NEK6: variants seen among roughly 807,000 people sequenced by gnomAD.
NEK6 encodes NIMA related kinase 6.
A neutral mutation model predicts 43.5 loss-of-function variants in NEK6; 27 were observed. The observed-to-expected ratio is 0.62, with a 90% CI of 0.46 to 0.86. The LOEUF is 0.86. Among genes scored for constraint, NEK6 ranks in the 40% least tolerant of loss-of-function variants. The pLI is 0.00. For missense variants in NEK6, 318 were observed against 414.4 expected, an observed-to-expected ratio of 0.77 and a Z score of 2.02; for synonymous variants, 167 against 164.1, an observed-to-expected ratio of 1.02 and a Z score of -0.14.
upstream of NEK6, chr9:124,257,888 TG>T: frequency 1.0e-6 from 1 of 984,932 alleles, no homozygotes; most frequent in Non-Finnish European, 1.2e-6. Context: ...GCACGAGCGC[TG>T]GGGGCGGCGC....
intron 2 of NEK6, among the ~76,000 whole-genome samples, chr9:124,307,121 G>T (rs901840348): frequency 8.3e-6 from 1 of 120,130 alleles, no homozygotes; most frequent in Admixed American, 8.5e-5. Flanking sequence ...GTAATTTTAT[G>T]CTCCTGTTTA....
At chr9:124,321,108 G>T (rs1193823352) in intron 4 of NEK6, among the ~76,000 whole-genome samples, 2 of 152,206 alleles carry the variant, frequency 1.3e-5, no homozygotes, top group Admixed American at 6.5e-5. Flanking sequence ...GTGAGGAGGA[G>T]GGGGAGGGTC....
intron 2 of NEK6, among the ~76,000 whole-genome samples, chr9:124,304,566 C>T (rs1245684020): frequency 6.6e-6 from 1 of 152,180 alleles, no homozygotes; most frequent in East Asian, 1.9e-4. Context: ...CACCTCACAT[C>T]GTGGGTACTG....
rs112744733 is a variant in NEK6, at chr9:124,326,944, G to C, written c.515-394G>C. On this transcript the variant is annotated intron_variant, in intron 6 of 9. Transcript: ENST00000320246. This position sits in a 1 kb window ranked among gnomAD's most constrained non-coding sequence, Gnocchi z 4.5. ...TGGTGTCTGCTGTATTGGAGGCCCCGCCCTCACTGGGGGGTACGGCACTGG... is the reference window on the plus strand; with the variant it reads ...TGGTGTCTGCTGTATTGGAGGCCCCCCCCTCACTGGGGGGTACGGCACTGG... Among the ~76,000 whole-genome samples the C allele has an allele frequency of 6.6e-6, 1 of 152,096 alleles. No homozygotes were observed. The highest frequency in any genetic ancestry group is 1.5e-5 in the Non-Finnish European group (1 of 68,008).
chr9:124,337,568 A>G (rs1829358484), intron 7 of NEK6, among the ~76,000 whole-genome samples: 1 of 152,196 alleles, frequency 6.6e-6, no homozygotes. Context: ...CATGAGCTGC[A>G]TTCATTTTGT....
At chr9:124,323,362 C>T (rs1472766003) in intron 5 of NEK6, among the ~76,000 whole-genome samples, 2 of 152,204 alleles carry the variant, frequency 1.3e-5, no homozygotes, top group African/African-American at 4.8e-5. Context: ...GGGCCTGTTG[C>T]TCCAGGCTCG....
intron 3 of NEK6, 22 bp from the exon 4 acceptor site, chr9:124,313,901 T>C: frequency 6.2e-7 from 1 of 1,613,934 alleles, no homozygotes; most frequent in Non-Finnish European, 8.5e-7. Flanking sequence ...CCACTCTATT[T>C]CTCTTTTTCC....
rs1165927187 is a variant in NEK6, at chr9:124,350,933, A to T, written c.928A>T (p.Met310Leu). Residue 310 changes from methionine to leucine, a missense_variant, in exon 10 of 10, where the codon ATG (methionine) becomes TTG (leucine). Physicochemically the swap from Met to Leu is conservative, Grantham distance 15. This residue lies in a region of NEK6 where 79 missense variants were observed against 70.0 expected (regional missense o/e 1.13). Transcript: ENST00000320246. ...GGTGGCCAAGCAGATGCACATCTGG[A>T]TGTCCAGCACCTGAGCGTGGATGCA... is the stretch of plus-strand genomic sequence containing the variant. Reference protein sequence around the residue: ...HQVAKQMHIWMSST With the variant: ...HQVAKQMHIWLSST 1 of 1,608,886 alleles carries T rather than the reference A, an allele frequency of 6.2e-7. No homozygotes were observed. Among genetic ancestry groups the T allele is most frequent in the Non-Finnish European group, 8.5e-7 (1 of 1,179,200 alleles).
intron 7 of NEK6, among the ~76,000 whole-genome samples, chr9:124,332,621 G>A (rs1829063698): frequency 6.6e-6 from 1 of 152,250 alleles, no homozygotes; most frequent in Non-Finnish European, 1.5e-5. Context: ...ATCTGGGGAA[G>A]AGGGGCAGCT....
intron 1 of NEK6, among the ~76,000 whole-genome samples, chr9:124,281,487 CTTTTTTTTTTT>C (rs759381068): frequency 9.7e-5 from 10 of 102,968 alleles, no homozygotes; most frequent in South Asian, 7.0e-4. Context: ...GCTGTTTTTT[CTTTTTTTTTTT>C]TTTTTTTTTT....
intron 1 of NEK6, among the ~76,000 whole-genome samples, chr9:124,277,885 C>T (rs1056950314): frequency 2.6e-5 from 4 of 152,158 alleles, no homozygotes; most frequent in African/African-American, 7.2e-5. Flanking sequence ...GAGAGTGCAT[C>T]GTGTTGTCCC....
chr9:124,302,741 C>G (rs1243114118), intron 2 of NEK6, among the ~76,000 whole-genome samples: 2 of 152,254 alleles, frequency 1.3e-5, no homozygotes, highest in African/African-American at 4.8e-5. Flanking sequence ...CCACCCTGCT[C>G]TCTGCTCTGG....
intron 8 of NEK6, among the ~76,000 whole-genome samples, chr9:124,340,604 C>T (rs140422249): frequency 0.011 from 1,683 of 152,364 alleles, 21 homozygotes; most frequent in South Asian, 0.019. Flanking sequence ...ACACCAAGCC[C>T]GGCTTGGTTT....
At position 124,292,537 on chromosome 9, in the gene NEK6, A is replaced by G. The variant is rs1221857752; in HGVS notation, c.-29-9399A>G. 10 of 1,536,928 alleles carry G rather than the reference A, an allele frequency of 6.5e-6. No individual in the cohort carries two copies. The South Asian group carries it at 1.1e-4, about 16-fold the overall frequency. ...GATTCTAGATGCTCGCCTGGGACCC[A>G]GGGTGAGTTTTTTACAAACACCGAA... On this transcript the variant is annotated intron_variant, in intron 1 of 9. Transcript: ENST00000320246.
At chr9:124,308,182 G>A (rs981380922) in intron 2 of NEK6, among the ~76,000 whole-genome samples, 1 of 152,220 alleles carries the variant, frequency 6.6e-6, no homozygotes, top group Admixed American at 6.5e-5. Flanking sequence ...GCTGGGAAGT[G>A]GCAGAATTGA....
At chr9:124,349,660 G>A (rs528890832) in intron 9 of NEK6, among the ~76,000 whole-genome samples, 4 of 152,328 alleles carry the variant, frequency 2.6e-5, no homozygotes, top group East Asian at 1.9e-4. Flanking sequence ...ACAACTGTGC[G>A]TTTACTTCAT....
intron 8 of NEK6, among the ~76,000 whole-genome samples, chr9:124,346,629 C>G (rs1452792752): frequency 1.3e-5 from 2 of 152,116 alleles, no homozygotes; most frequent in Non-Finnish European, 2.9e-5. Flanking sequence ...GCTGGAGTGA[C>G]GAGAAGCTCT....
At chr9:124,289,886 G>A (rs1248770840) in intron 1 of NEK6, among the ~76,000 whole-genome samples, 1 of 152,212 alleles carries the variant, frequency 6.6e-6, no homozygotes, top group Non-Finnish European at 1.5e-5. Context: ...CAGCCCTATG[G>A]GAGTCTGGCC....
chr9:124,318,261 A>C (rs1833914403), intron 4 of NEK6, among the ~76,000 whole-genome samples: 1 of 150,054 alleles, frequency 6.7e-6, no homozygotes, highest in Admixed American at 6.6e-5. Flanking sequence ...TTTTTTTTTG[A>C]GACTGGGTCA....
Sources: gnomAD v4.1 joint callset for allele counts (sites outside exome capture counted in the v4.1 genomes callset) on GRCh38, gnomAD v4.1.1 for gene constraint, gnomAD v4.1.1 regional missense constraint, Gnocchi (gnomAD v3.1) non-coding constraint, MANE v1.5 for transcripts, NCBI Gene and HGNC (gene_info 2026-07-23, HGNC 2026-07-21) for gene names.